The following EXOC2 variants were observed in gnomAD, a reference collection of about 807,000 sequenced individuals.
The protein encoded by EXOC2 is SEC5-like 1.
In EXOC2, 70 loss-of-function variants were observed where a neutral mutation model predicts 131.8. The observed-to-expected ratio is 0.53, with a 90% confidence interval of 0.44 to 0.65. EXOC2 has a LOEUF of 0.65. EXOC2 is among the 30% of genes least tolerant of loss of function. EXOC2 has a pLI of 0.00. For missense variants in EXOC2, 923 were observed against 1,108.6 expected (o/e 0.83, Z 2.38); for synonymous variants, 411 against 398.4 (o/e 1.03, Z -0.38).
At chr6:490,056 G>C (rs1001489050) in intron 26 of EXOC2, among the ~76,000 whole-genome samples, 3 of 152,112 alleles carry the variant, frequency 2.0e-5, no homozygotes, top group Non-Finnish European at 4.4e-5. Flanking sequence ...CCATCAGCTT[G>C]TTTCTTATGA....
rs553187158 is a variant in EXOC2, at chr6:650,850, GGA to G, written c.-43-12991_-43-12990del. Among the ~76,000 whole-genome samples, 100 of 152,284 alleles carry G rather than the reference GGA, an allele frequency of 6.6e-4. No individual in the cohort carries two copies. The South Asian group carries it at 0.012, about 19-fold the overall frequency. ...AGACAGACAACTGGAGGAAAGAAGA[GGA>G]GAGAGTATGAAACTAGTAAAAAATA... On this transcript the variant is annotated intron_variant, in intron 1 of 27. Transcript: ENST00000230449.
At chr6:583,950 A>G (rs1406920743) in intron 11 of EXOC2, among the ~76,000 whole-genome samples, 5 of 152,186 alleles carry the variant, frequency 3.3e-5, no homozygotes, top group African/African-American at 1.2e-4. Flanking sequence ...TTTTTAAACC[A>G]ACCTCTCTCA....
At chr6:586,835 A>G (rs1428872657) in intron 11 of EXOC2, among the ~76,000 whole-genome samples, 1 of 152,096 alleles carries the variant, frequency 6.6e-6, no homozygotes, top group African/African-American at 2.4e-5. Flanking sequence ...CTGGACACCC[A>G]CTAGTCCCAC....
At chr6:515,579 T>G (rs937161768) in intron 23 of EXOC2, among the ~76,000 whole-genome samples, 1 of 151,400 alleles carries the variant, frequency 6.6e-6, no homozygotes, top group East Asian at 1.9e-4. Flanking sequence ...ACGGCAGTCC[T>G]AGGAGGGAGC....
chr6:651,505 T>A (rs1315834529), intron 1 of EXOC2, among the ~76,000 whole-genome samples: 1 of 151,088 alleles, frequency 6.6e-6, no homozygotes. Context: ...AATACAAAAA[T>A]TATCTGGGTG....
chr6:531,353 G>A (rs1766065995), intron 23 of EXOC2, among the ~76,000 whole-genome samples: 1 of 152,110 alleles, frequency 6.6e-6, no homozygotes, highest in Non-Finnish European at 1.5e-5. Context: ...TTAAAAGGAT[G>A]TACTTTGAGG....
intron 6 of EXOC2, among the ~76,000 whole-genome samples, chr6:615,991 A>C (rs771952915): frequency 2.5e-4 from 38 of 152,214 alleles, no homozygotes; most frequent in Non-Finnish European, 4.6e-4. Flanking sequence ...CCTTGCCCTT[A>C]CTTGGGAGAT....
intron 1 of EXOC2, among the ~76,000 whole-genome samples, chr6:689,440 C>T (rs1161975799): frequency 6.6e-6 from 1 of 152,198 alleles, no homozygotes; most frequent in African/African-American, 2.4e-5. Flanking sequence ...GCACTCCACC[C>T]ATAATCCAAA....
At chr6:488,353 C>T (rs930845587) in intron 27 of EXOC2, among the ~76,000 whole-genome samples, 1 of 152,260 alleles carries the variant, frequency 6.6e-6, no homozygotes, top group Non-Finnish European at 1.5e-5. Flanking sequence ...AAGACTGCCT[C>T]AGCTCGGGGG....
intron 1 of EXOC2, among the ~76,000 whole-genome samples, chr6:641,558 C>G (rs748234754): frequency 3.3e-5 from 5 of 152,004 alleles, no homozygotes; most frequent in African/African-American, 1.2e-4. Context: ...ATCAATCATG[C>G]CTACGTAACT....
At chr6:664,636 A>G (rs1763558368) in intron 1 of EXOC2, among the ~76,000 whole-genome samples, 1 of 152,214 alleles carries the variant, frequency 6.6e-6, no homozygotes, top group African/African-American at 2.4e-5. Flanking sequence ...ATAAAGCCAA[A>G]TACTTACAGC....
At chr6:683,528 C>T (rs1764507152) in intron 1 of EXOC2, among the ~76,000 whole-genome samples, 1 of 151,850 alleles carries the variant, frequency 6.6e-6, no homozygotes, top group African/African-American at 2.4e-5. Context: ...CTATGGTAAA[C>T]AGGCATGCCA....
chr6:540,439 T>C (rs1766743603), intron 22 of EXOC2, among the ~76,000 whole-genome samples: 1 of 152,240 alleles, frequency 6.6e-6, no homozygotes, highest in Non-Finnish European at 1.5e-5. Flanking sequence ...GATTTCTGAA[T>C]TATACCATTC....
At chr6:519,134 CGCCG>C (rs1765330482) in intron 23 of EXOC2, among the ~76,000 whole-genome samples, 1 of 122,398 alleles carries the variant, frequency 8.2e-6, no homozygotes, top group Admixed American at 8.0e-5. Flanking sequence ...ACCCACCGAG[CGCCG>C]ACACTCACCG....
intron 23 of EXOC2, among the ~76,000 whole-genome samples, chr6:524,499 G>C (rs1278265290): frequency 6.6e-6 from 1 of 151,960 alleles, no homozygotes; most frequent in African/African-American, 2.4e-5. Flanking sequence ...ACAATTTTTT[G>C]TTCCAACGTT....
chr6:615,176 GGTGT>G (rs751062692), intron 6 of EXOC2, among the ~76,000 whole-genome samples: 3 of 103,782 alleles, frequency 2.9e-5, no homozygotes, highest in African/African-American at 9.5e-5. Context: ...AGTATATGTG[GGTGT>G]GGGTGTGTGT....
chr6:651,890 T>C (rs1441678661), intron 1 of EXOC2, among the ~76,000 whole-genome samples: 1 of 151,626 alleles, frequency 6.6e-6, no homozygotes, highest in East Asian at 2.0e-4. Flanking sequence ...ACCCCACCTC[T>C]ACTAAAAATA....
At chr6:686,765 C>T (rs1445510579) in intron 1 of EXOC2, among the ~76,000 whole-genome samples, 1 of 152,220 alleles carries the variant, frequency 6.6e-6, no homozygotes, top group African/African-American at 2.4e-5. Context: ...CAAGGACTGT[C>T]ACTATGTTGC....
At chr6:626,063 G>A (rs1761550871) in intron 4 of EXOC2, among the ~76,000 whole-genome samples, 1 of 152,154 alleles carries the variant, frequency 6.6e-6, no homozygotes, top group Non-Finnish European at 1.5e-5. Context: ...TAGTTTGTCA[G>A]CATTACAACT....
Sources: allele counts gnomAD v4.1 joint callset (sites outside exome capture counted in the v4.1 genomes callset), GRCh38; gene constraint gnomAD v4.1.1; transcripts MANE v1.5; gene names NCBI Gene and HGNC (gene_info 2026-07-23, HGNC 2026-07-21).